SPAG9: variants seen among roughly 807,000 people sequenced by gnomAD.
SPAG9 encodes the protein sperm associated antigen 9.
Under a neutral mutation model 166.5 loss-of-function variants are expected in SPAG9, and 35 were observed. The observed-to-expected ratio is 0.21, with a 90% CI of 0.16 to 0.28. SPAG9 has a LOEUF of 0.28. Ranked by LOEUF, SPAG9 falls within the 10% of genes least tolerant of loss-of-function variation. The pLI is 1.00. For synonymous variants in SPAG9, 534 were observed against 565.5 expected (o/e 0.94, Z 0.79); for missense variants, 1,235 against 1,603.3 (o/e 0.77, Z 3.92).
rs373207596 is a variant in SPAG9 at position 51,040,246 on chromosome 17, C to CAAA, written c.741+1252_741+1254dup. Among the ~76,000 whole-genome samples, 31 of 75,578 alleles carry CAAA rather than the reference C, an allele frequency of 4.1e-4. 2 individuals are homozygous for CAAA. The allele number at this position is 75,578 out of a possible 152,430, so 49.6% of individuals were successfully genotyped here. On this transcript the variant is annotated intron_variant, in intron 5 of 29. Coordinates refer to ENST00000262013, the MANE Select transcript of SPAG9 (RefSeq NM_001130528.3). ...TGAGCGACACAGCAAGACTCTGTCTCAAAAAAAAAAAAAAAAAAGTGAGAG... is the reference window on the plus strand; with the variant it reads ...TGAGCGACACAGCAAGACTCTGTCTCAAAAAAAAAAAAAAAAAAAAAGTGAGAG...
chr17:50,989,773 A>G lies in SPAG9; in HGVS notation c.2717T>C (p.Val906Ala). The change falls in exon 21 of 30, where the codon GTG becomes GCG. Residue 906 changes from valine (V) to alanine (A), a missense_variant. Physicochemically the swap from Val to Ala is moderately conservative, Grantham distance 64. Transcript: ENST00000262013. ...GTAGACGCCAGTTTGGGAGATGTCC[A>G]CTGTGTCTTCAGCTGACCCCGCATT... ...EGNAGSAEDT[V>A]DISQTGVYTE... 1 of 1,614,012 alleles carries G rather than the reference A, an allele frequency of 6.2e-7. No individual in the cohort carries two copies. The highest frequency in any genetic ancestry group is 8.5e-7 in the Non-Finnish European group (1 of 1,179,960).
intron 20 of SPAG9, 135 bp from the exon 21 acceptor site, chr17:50,990,007 A>T: frequency 3.9e-6 from 3 of 770,528 alleles, no homozygotes; most frequent in African/African-American, 1.8e-5. Context: ...AGAATTCTTC[A>T]TTCCATTTAA....
intron 2 of SPAG9, among the ~76,000 whole-genome samples, chr17:51,062,645 T>C (rs974802208): frequency 1.3e-5 from 2 of 152,148 alleles, no homozygotes; most frequent in African/African-American, 4.8e-5. Context: ...GGCTGGAGTG[T>C]AGTGGCATGA....
intron 9 of SPAG9, among the ~76,000 whole-genome samples, chr17:51,011,304 A>AAAAC (rs1190739458): frequency 1.3e-5 from 2 of 152,096 alleles, no homozygotes; most frequent in Non-Finnish European, 2.9e-5. Context: ...TCAAAAAAAA[A>AAAAC]AAACAGTAAT....
Position 51,027,421 on chromosome 17 carries a change from C to A in SPAG9, c.783+4260G>T, listed in dbSNP as rs373287257. Among the ~76,000 whole-genome samples, 838 of 148,004 alleles carry A rather than the reference C, an allele frequency of 5.7e-3. 5 individuals are homozygous for A. Among genetic ancestry groups the A allele is most frequent in the African/African-American group, 0.019 (772 of 40,152 alleles). ...CTGCGCTCCAGCCTGGACAACAGAG[C>A]AAGACCTTGTCTCAAAAAAAAAAAA... On this transcript the variant is annotated intron_variant, in intron 6 of 29. Transcript: ENST00000262013.
rs1293030771 is a variant in SPAG9 at position 50,999,818 on chromosome 17, G to A, written c.1608-101C>T. 1.8e-5 allele frequency: 16 copies of A among 890,100 alleles called. No individual in the cohort carries two copies. The South Asian group carries it at 2.4e-4, about 13-fold the overall frequency. 55.1% of individuals were successfully genotyped at this position (890,100 alleles called of 1,614,324 possible). A position where few individuals can be genotyped will look rare whatever the true frequency, so the allele number is the denominator to read the frequency against. ...CAAGAAGTTCATGGGATACACAGAG[G>A]GGAGTCAACAATTAAGTTCAATAAA... On this transcript the variant is annotated intron_variant, in intron 13 of 29. Transcript: ENST00000262013.
intron 4 of SPAG9, chr17:51,046,736 G>A (rs1384523214): frequency 1.3e-6 from 2 of 1,535,568 alleles, no homozygotes; most frequent in African/African-American, 1.4e-5. Context: ...TTTGTAGTGA[G>A]GATCTGTCAT....
chr17:51,062,749 C>T (rs1370511078), intron 2 of SPAG9, among the ~76,000 whole-genome samples: 1 of 152,152 alleles, frequency 6.6e-6, no homozygotes, highest in Non-Finnish European at 1.5e-5. Flanking sequence ...CACCACCATG[C>T]CTGGCTAATT....
rs1567938540 is a variant in SPAG9, at chr17:50,963,007, TC to T, written c.*3264del. ...GAGAAAAATACTCTCAAAAGTGAGT[TC>T]CTAGAGAATATTATCCCTTTGCCTC... On this transcript the variant is annotated 3_prime_UTR_variant, in exon 30 of 30. Transcript: ENST00000262013. 1.3e-5 allele frequency: 2 copies of T among 152,230 alleles called. No individual in the cohort carries two copies. Among genetic ancestry groups the T allele is most frequent in the South Asian group, 4.1e-4 (2 of 4,832 alleles). The allele number at this position is 152,230 out of a possible 1,614,324, so 9.4% of individuals were successfully genotyped here.
At position 51,013,399 on chromosome 17, in the gene SPAG9, A is replaced by G. The variant is rs1438463624; in HGVS notation, c.1213+833T>C. On this transcript the variant is annotated intron_variant, in intron 9 of 29. Transcript: ENST00000262013. ...GGGCAGGGGTTGGCAAACTCTTTCT[A>G]TAAAGGGCCAGACAGTAAATATTTT... 2.6e-5 allele frequency among the ~76,000 whole-genome samples: 4 copies of G among 152,206 alleles called. No individual in the cohort carries two copies. In the East Asian group the frequency reaches 7.7e-4, roughly 29 times the overall value.
chr17:51,044,675 C>T (rs564373497), intron 4 of SPAG9, among the ~76,000 whole-genome samples: 1 of 152,216 alleles, frequency 6.6e-6, no homozygotes, highest in East Asian at 1.9e-4. Context: ...TATCAAGAAA[C>T]AGGGATTATT....
In SPAG9 at chr17:51,041,649, T is replaced by C; in HGVS notation, c.593A>G (p.Lys198Arg). The change falls in exon 5 of 30, where the codon AAA becomes AGA. Residue 198 changes from lysine (K) to arginine (R), a missense_variant and splice_region_variant. By Grantham distance (26) the Lys-to-Arg change is conservative. Coordinates refer to ENST00000262013, the MANE Select transcript of SPAG9 (RefSeq NM_001130528.3). ...LESTAHSRIR[K>R]ERPISLGIFP... ...AATTCCTAATGATATAGGGCGTTCT[T>C]TTCTATTTGAAGAGGGGAGAAAAAA... is the stretch of plus-strand genomic sequence containing the variant. 6.2e-7 allele frequency: 1 copy of C among 1,610,184 alleles called. No individual in the cohort carries two copies. The highest frequency in any genetic ancestry group is 8.5e-7 in the Non-Finnish European group (1 of 1,178,850).
Position 51,066,132 on chromosome 17 carries a change from G to A in SPAG9, c.425-9650C>T, listed in dbSNP as rs996351232. 4.6e-5 allele frequency among the ~76,000 whole-genome samples: 7 copies of A among 151,530 alleles called. No individual in the cohort carries two copies. In the South Asian group the frequency reaches 8.3e-4, roughly 18 times the overall value. On this transcript the variant is annotated intron_variant, in intron 2 of 29. Coordinates refer to ENST00000262013, the MANE Select transcript of SPAG9 (RefSeq NM_001130528.3). ...CGCTTTTTTTTTTTCTTGAGACAGGGTCTTGTTCTGTTTCCCAGGCTGGAG... is the reference window on the plus strand; with the variant it reads ...CGCTTTTTTTTTTTCTTGAGACAGGATCTTGTTCTGTTTCCCAGGCTGGAG...
At chr17:51,053,852 AAAGTATATATATATATATATATATATAT>A (rs2047260579) in intron 3 of SPAG9, among the ~76,000 whole-genome samples, 1 of 49,330 alleles carries the variant, frequency 2.0e-5, no homozygotes, top group Non-Finnish European at 3.4e-5. Flanking sequence ...AAAAAAAAAA[AAAGTATATATATATATATATATATATAT>A]ATATATATAT....
chr17:50,998,022 ATTTTTT>A (rs563896612), intron 15 of SPAG9, among the ~76,000 whole-genome samples: 2 of 90,760 alleles, frequency 2.2e-5, no homozygotes, highest in African/African-American at 4.3e-5. Context: ...TACAGAAATG[ATTTTTT>A]TTTTTTTTTT....
At chr17:51,014,465 G>T in intron 8 of SPAG9, 112 bp from the exon 9 acceptor site, 1 of 819,652 alleles carries the variant, frequency 1.2e-6, no homozygotes, top group Non-Finnish European at 1.8e-6. Flanking sequence ...TATAATTTAC[G>T]TTTACTAGAA....
intron 1 of SPAG9, among the ~76,000 whole-genome samples, chr17:51,114,497 G>A (rs1384184842): frequency 6.6e-6 from 1 of 152,100 alleles, no homozygotes; most frequent in African/African-American, 2.4e-5. Flanking sequence ...GGGCATGGTG[G>A]CTCATGCCTA....
chr17:51,078,688 A>G (rs2048082427), intron 2 of SPAG9, among the ~76,000 whole-genome samples: 1 of 151,958 alleles, frequency 6.6e-6, no homozygotes, highest in Non-Finnish European at 1.5e-5. Flanking sequence ...TTGAGGTTTG[A>G]AACAATAATT....
intron 21 of SPAG9, among the ~76,000 whole-genome samples, chr17:50,989,260 C>T (rs1235088677): frequency 6.6e-6 from 1 of 152,174 alleles, no homozygotes; most frequent in Non-Finnish European, 1.5e-5. Context: ...GTATTCAGTA[C>T]AGTAACATGC....
Sources: allele counts gnomAD v4.1 joint callset (sites outside exome capture counted in the v4.1 genomes callset), GRCh38; gene constraint gnomAD v4.1.1; transcripts MANE v1.5; gene names NCBI Gene and HGNC (gene_info 2026-07-23, HGNC 2026-07-21).